SAMD4A: variants seen among roughly 807,000 people sequenced by gnomAD.
SAMD4A encodes the protein protein Smaug homolog 1.
In SAMD4A, 33 loss-of-function variants were observed where a neutral mutation model predicts 81.3. That is an observed-to-expected ratio of 0.41 (90% CI 0.31 to 0.54). SAMD4A has a LOEUF of 0.54. SAMD4A is among the 20% of genes least tolerant of loss of function. SAMD4A has a pLI of 0.37. For missense variants in SAMD4A, 854 were observed against 951.1 expected (o/e 0.90, Z 1.34); for synonymous variants, 389 against 382.1 (o/e 1.02, Z -0.21).
chr14:54,763,604 G>T (rs2038461467), intron 7 of SAMD4A, among the ~76,000 whole-genome samples: 1 of 152,150 alleles, frequency 6.6e-6, no homozygotes, highest in African/African-American at 2.4e-5. Context: ...AGCCATGCAG[G>T]GTTAGGGACA....
chr14:54,760,499 A>T lies in SAMD4A; in HGVS notation c.1510+5A>T. ...TCACACGCGTCATGGGGAAAGGTAG[A>T]GCCTCATTCGCCCATTTCTTTTTTC... On this transcript the variant is annotated splice_donor_5th_base_variant and intron_variant, in intron 7 of 12. Coordinates refer to ENST00000554335, the MANE Select transcript of SAMD4A (RefSeq NM_015589.6). 7.2e-7 allele frequency: 1 copy of T among 1,389,236 alleles called. No homozygotes were observed. Among genetic ancestry groups the T allele is most frequent in the Non-Finnish European group, 9.3e-7 (1 of 1,079,758 alleles). The allele number at this position is 1,389,236 out of a possible 1,614,324, so 86.1% of individuals were successfully genotyped here.
At chr14:54,687,268 T>C (rs1336186259) in intron 2 of SAMD4A, 1 of 438,752 alleles carries the variant, frequency 2.3e-6, no homozygotes, top group Non-Finnish European at 4.5e-6. Context: ...TGCCCCTCCA[T>C]GGGCAGTTAT....
In SAMD4A at chr14:54,678,431, A is replaced by G. The variant is rs996441798; in HGVS notation, c.197-23631A>G. Among the ~76,000 whole-genome samples the G allele has an allele frequency of 2.3e-3, 177 of 77,410 alleles. 1 individual carries two copies. The highest frequency in any genetic ancestry group is 6.5e-3 in the African/African-American group (130 of 20,070). 50.8% of individuals were successfully genotyped at this position (77,410 alleles called of 152,430 possible). A position where few individuals can be genotyped will look rare whatever the true frequency, so the allele number is the denominator to read the frequency against. The stretch of plus-strand genomic sequence containing the variant: ...ATGTGTCGTATTTTGGGCAGTCACC[A>G]TTTGTGTGTGTGTGTGTGTGTGTGT... On this transcript the variant is annotated intron_variant, in intron 2 of 12. Coordinates refer to ENST00000554335, the MANE Select transcript of SAMD4A (RefSeq NM_015589.6).
At chr14:54,782,480 T>A (rs1488848155) in intron 11 of SAMD4A, among the ~76,000 whole-genome samples, 1 of 152,218 alleles carries the variant, frequency 6.6e-6, no homozygotes, top group African/African-American at 2.4e-5. Context: ...CCCCTGGAAT[T>A]GTCTAATTGC....
chr14:54,623,117 T>C (rs1020559150), intron 2 of SAMD4A, among the ~76,000 whole-genome samples: 9 of 152,292 alleles, frequency 5.9e-5, no homozygotes, highest in African/African-American at 2.2e-4. Flanking sequence ...GTTCTGCCAG[T>C]GTATCCCCCA....
At chr14:54,679,647 C>T (rs531079646) in intron 2 of SAMD4A, among the ~76,000 whole-genome samples, 1 of 152,188 alleles carries the variant, frequency 6.6e-6, no homozygotes, top group East Asian at 1.9e-4. Context: ...TTTTCCATGT[C>T]ATCCTTTGGA....
At chr14:54,725,152 G>T (rs1020452067) in intron 3 of SAMD4A, among the ~76,000 whole-genome samples, 28 of 152,174 alleles carry the variant, frequency 1.8e-4, no homozygotes, top group African/African-American at 6.8e-4. Flanking sequence ...ACACGTAATA[G>T]GTTCTCAGCC....
intron 2 of SAMD4A, among the ~76,000 whole-genome samples, chr14:54,643,978 C>A (rs780095241): frequency 6.6e-6 from 1 of 152,124 alleles, no homozygotes; most frequent in Non-Finnish European, 1.5e-5. Context: ...CCAGGAGGGA[C>A]TCGGTAGAAC....
intron 9 of SAMD4A, among the ~76,000 whole-genome samples, chr14:54,772,561 A>G (rs1428787726): frequency 6.6e-6 from 1 of 152,224 alleles, no homozygotes. Context: ...TAAGTATCCC[A>G]TAACAGAGTC....
At chr14:54,788,798 G>A in intron 12 of SAMD4A, 118 bp from the exon 13 acceptor site, 1 of 1,192,264 alleles carries the variant, frequency 8.4e-7, no homozygotes, top group South Asian at 1.2e-5. Flanking sequence ...CATGAACGTA[G>A]GTGCCCTTCT....
At chr14:54,640,908 A>G (rs1267614020) in intron 2 of SAMD4A, among the ~76,000 whole-genome samples, 1 of 152,172 alleles carries the variant, frequency 6.6e-6, no homozygotes, top group African/African-American at 2.4e-5. Flanking sequence ...TCCATTATCA[A>G]GAGTTTCCTT....
intron 4 of SAMD4A, among the ~76,000 whole-genome samples, chr14:54,747,073 A>G (rs1489878352): frequency 1.3e-5 from 2 of 152,206 alleles, no homozygotes; most frequent in African/African-American, 2.4e-5. Context: ...TCTTGATCCA[A>G]CTGCAATTTG....
At chr14:54,780,489 G>T (rs927079974) in intron 11 of SAMD4A, among the ~76,000 whole-genome samples, 3 of 152,212 alleles carry the variant, frequency 2.0e-5, no homozygotes, top group African/African-American at 7.2e-5. Flanking sequence ...GGAAGGGGCT[G>T]CCATGCAGAG....
rs1170988337 is a variant in SAMD4A at position 54,702,917 on chromosome 14, G to A, written c.715+337G>A. 1.5e-5 allele frequency: 4 copies of A among 266,690 alleles called. No homozygotes were observed. The East Asian group carries it at 2.8e-4, about 19-fold the overall frequency. The allele number at this position is 266,690 out of a possible 1,614,324, so 16.5% of individuals were successfully genotyped here. On this transcript the variant is annotated intron_variant, in intron 3 of 12. Coordinates refer to ENST00000554335, the MANE Select transcript of SAMD4A (RefSeq NM_015589.6). ...TCTTTCACCCTGGGGTTTTGGATTTGCTGAGACACTGAGTTACTGTGTGAT... is the reference window on the plus strand; with the variant it reads ...TCTTTCACCCTGGGGTTTTGGATTTACTGAGACACTGAGTTACTGTGTGAT...
intron 3 of SAMD4A, among the ~76,000 whole-genome samples, chr14:54,718,810 C>T (rs184492844): frequency 4.6e-5 from 7 of 152,016 alleles, no homozygotes; most frequent in African/African-American, 1.7e-4. Context: ...TTGAGACCAG[C>T]CTGGCCAACA....
chr14:54,669,090 C>T (rs1049428366), intron 2 of SAMD4A, among the ~76,000 whole-genome samples: 3 of 152,212 alleles, frequency 2.0e-5, no homozygotes, highest in Non-Finnish European at 2.9e-5. Flanking sequence ...TTAAGCCATT[C>T]GTGGGAGAAG....
chr14:54,644,408 T>G (rs1342284565), intron 2 of SAMD4A, among the ~76,000 whole-genome samples: 1 of 152,194 alleles, frequency 6.6e-6, no homozygotes, highest in Non-Finnish European at 1.5e-5. Flanking sequence ...ATTGGGCACT[T>G]GTTACGTACC....
intron 2 of SAMD4A, among the ~76,000 whole-genome samples, chr14:54,686,779 A>G (rs2036282390): frequency 6.6e-6 from 1 of 152,230 alleles, no homozygotes; most frequent in South Asian, 2.1e-4. Context: ...GGCCAGTCAC[A>G]TGAGGAGGCA....
intron 2 of SAMD4A, among the ~76,000 whole-genome samples, chr14:54,649,051 T>G (rs547033316): frequency 6.6e-6 from 1 of 152,134 alleles, no homozygotes; most frequent in Non-Finnish European, 1.5e-5. Context: ...ATTCCAAAGT[T>G]TTGTCCTGAG....
Sources: allele counts gnomAD v4.1 joint callset (sites outside exome capture counted in the v4.1 genomes callset), GRCh38; gene constraint gnomAD v4.1.1; transcripts MANE v1.5; gene names NCBI Gene and HGNC (gene_info 2026-07-23, HGNC 2026-07-21).